Variants in WDR64 observed in about 807,000 individuals in gnomAD.
WDR64 encodes the protein WD repeat-containing protein 64.
A neutral mutation model predicts 139.3 loss-of-function variants in WDR64; 112 were observed. That is an observed-to-expected ratio of 0.80 (90% CI 0.69 to 0.94). WDR64 has a LOEUF of 0.94. Ranked by LOEUF, WDR64 falls within the 40% of genes least tolerant of loss-of-function variation. The probability of loss-of-function intolerance (pLI) is 0.00; values close to 1 mark genes in which losing one functional copy is unlikely to be tolerated. For synonymous variants in WDR64, 444 were observed against 437.7 expected, an observed-to-expected ratio of 1.01 and a Z score of -0.18; for missense variants, 1,206 against 1,293.1, an observed-to-expected ratio of 0.93 and a Z score of 1.03.
chr1:241,676,745 G>GTTT (rs11342790), intron 4 of WDR64, among the ~76,000 whole-genome samples: 2 of 124,340 alleles, frequency 1.6e-5, no homozygotes, highest in African/African-American at 3.0e-5. Context: ...AAAATTAATG[G>GTTT]TTTTTTTTTT....
intron 10 of WDR64, among the ~76,000 whole-genome samples, chr1:241,732,198 C>G (rs1253517554): frequency 1.3e-5 from 2 of 152,190 alleles, no homozygotes; most frequent in Non-Finnish European, 2.9e-5. Flanking sequence ...ACCCCTTGCT[C>G]TATCTAAATG....
At chr1:241,710,864 A>T (rs1287105064) in intron 8 of WDR64, among the ~76,000 whole-genome samples, 1 of 152,190 alleles carries the variant, frequency 6.6e-6, no homozygotes, top group East Asian at 1.9e-4. Flanking sequence ...GATGTGATCT[A>T]ATTCATATTT....
At chr1:241,767,460 T>TGGCC (rs1315835612) in intron 16 of WDR64, among the ~76,000 whole-genome samples, 1 of 152,130 alleles carries the variant, frequency 6.6e-6, no homozygotes, top group Admixed American at 6.5e-5. Context: ...GGGCCATGTG[T>TGGCC]GGCCACCCTA....
At chr1:241,777,675 C>T (rs1377090393) in intron 21 of WDR64, among the ~76,000 whole-genome samples, 3 of 152,162 alleles carry the variant, frequency 2.0e-5, no homozygotes, top group Admixed American at 6.6e-5. Flanking sequence ...ACCTCAGCCT[C>T]CCAACATGCT....
chr1:241,669,697 C>T (rs1239141228), intron 2 of WDR64, among the ~76,000 whole-genome samples: 1 of 152,134 alleles, frequency 6.6e-6, no homozygotes, highest in Non-Finnish European at 1.5e-5. Flanking sequence ...GAAGTAGTAA[C>T]ATTTGTGAAG....
intron 10 of WDR64, 112 bp from the exon 11 acceptor site, chr1:241,738,251 C>T (rs925512688): frequency 3.0e-5 from 39 of 1,296,048 alleles, no homozygotes; most frequent in Admixed American, 2.3e-4. Context: ...ATAAGTAATA[C>T]TTTGGTATAA....
intron 8 of WDR64, among the ~76,000 whole-genome samples, chr1:241,708,175 G>C (rs574283942): frequency 4.1e-4 from 63 of 152,208 alleles, no homozygotes; most frequent in African/African-American, 1.5e-3. Flanking sequence ...CCATCAAATG[G>C]GGGTAGAAAA....
At chr1:241,739,157 T>C (rs536061693) in intron 11 of WDR64, among the ~76,000 whole-genome samples, 16 of 152,312 alleles carry the variant, frequency 1.1e-4, no homozygotes, top group Admixed American at 5.2e-4. Flanking sequence ...ACAGATTTGT[T>C]GCTGATTTTT....
intron 5 of WDR64, 48 bp downstream of exon 5, chr1:241,678,264 A>G (rs1293476177): frequency 2.5e-6 from 1 of 398,702 alleles, no homozygotes; most frequent in Non-Finnish European, 4.4e-6. Flanking sequence ...TAGGGCTATG[A>G]TGATGTTTCC....
intron 13 of WDR64, among the ~76,000 whole-genome samples, chr1:241,746,461 A>T (rs1669757746): frequency 6.6e-6 from 1 of 152,168 alleles, no homozygotes; most frequent in Non-Finnish European, 1.5e-5. Flanking sequence ...GAAGTTAACA[A>T]TAAAGAAAGT....
intron 1 of WDR64, among the ~76,000 whole-genome samples, chr1:241,659,521 C>T (rs1321944896): frequency 2.0e-5 from 3 of 152,212 alleles, no homozygotes; most frequent in African/African-American, 4.8e-5. Context: ...TTTACACTTC[C>T]ATCAACAGTG....
At position 241,668,386 on chromosome 1, in the gene WDR64, G is replaced by A. The variant is rs1280509678; in HGVS notation, c.277-2688G>A. Among the ~76,000 whole-genome samples, 3 of 151,734 alleles carry A rather than the reference G, an allele frequency of 2.0e-5. No homozygotes were observed. In the East Asian group the frequency reaches 5.8e-4, roughly 30 times the overall value. On this transcript the variant is annotated intron_variant, in intron 2 of 27. Transcript: ENST00000437684. ...AGCTGGGTGTGGTGGCAGGATTGTGGAAATATATGATTGAGGTGACAGACC... is the reference window on the plus strand; with the variant it reads ...AGCTGGGTGTGGTGGCAGGATTGTGAAAATATATGATTGAGGTGACAGACC...
At chr1:241,789,863 C>A (rs1445178074) in intron 24 of WDR64, among the ~76,000 whole-genome samples, 1 of 152,066 alleles carries the variant, frequency 6.6e-6, no homozygotes, top group Admixed American at 6.6e-5. Flanking sequence ...CAAACCTGCA[C>A]ATGTACCACT....
chr1:241,702,777 T>C (rs1252824237), intron 8 of WDR64, among the ~76,000 whole-genome samples: 1 of 152,192 alleles, frequency 6.6e-6, no homozygotes, highest in East Asian at 1.9e-4. Context: ...TGATATGAAA[T>C]TTAAATTTCA....
intron 12 of WDR64, among the ~76,000 whole-genome samples, chr1:241,742,428 A>T (rs1669583551): frequency 6.6e-6 from 1 of 152,172 alleles, no homozygotes; most frequent in South Asian, 2.1e-4. Context: ...TGCTGATAAA[A>T]CGAGTTGCAG....
At chr1:241,738,286 G>A in intron 10 of WDR64, 77 bp from the exon 11 acceptor site, 1 of 1,527,372 alleles carries the variant, frequency 6.5e-7, no homozygotes. Context: ...ATTTCAAACT[G>A]AAAATGCTTC....
chr1:241,705,825 A>G (rs1667931547), intron 8 of WDR64, among the ~76,000 whole-genome samples: 1 of 151,854 alleles, frequency 6.6e-6, no homozygotes, highest in Non-Finnish European at 1.5e-5. Flanking sequence ...TTGGCTTCAA[A>G]TGATCCTCCC....
intron 12 of WDR64, 56 bp from the exon 13 acceptor site, chr1:241,744,337 G>A (rs760699773): frequency 1.2e-6 from 2 of 1,601,816 alleles, no homozygotes; most frequent in Non-Finnish European, 1.7e-6. Flanking sequence ...TAATTCTGAT[G>A]AGAATTGAAG....
chr1:241,727,390 T>C (rs1668886342), intron 10 of WDR64, among the ~76,000 whole-genome samples: 2 of 152,184 alleles, frequency 1.3e-5, no homozygotes, highest in African/African-American at 4.8e-5. Context: ...TTCTTTTAAA[T>C]GTAATGAGTG....
Sources: allele counts gnomAD v4.1 joint callset (sites outside exome capture counted in the v4.1 genomes callset), GRCh38; gene constraint gnomAD v4.1.1; transcripts MANE v1.5; gene names NCBI Gene and HGNC (gene_info 2026-07-23, HGNC 2026-07-21).